CNTN4: variants seen among roughly 807,000 people sequenced by gnomAD.
CNTN4 encodes the protein contactin-4.
CNTN4 carries 77 observed loss-of-function variants against 122.5 expected under a neutral mutation model. That is an observed-to-expected ratio of 0.63 (90% CI 0.52 to 0.76). The LOEUF is 0.76. Ranked by LOEUF, CNTN4 falls within the 30% of genes least tolerant of loss-of-function variation. The pLI is 0.00. For synonymous variants in CNTN4, 512 were observed against 447.0 expected (o/e 1.15, Z -1.83); for missense variants, 1,256 against 1,259.1 (o/e 1.00, Z 0.04).
At chr3:2,418,366 C>A (rs6769342) in intron 3 of CNTN4, among the ~76,000 whole-genome samples, 2 of 151,960 alleles carry the variant, frequency 1.3e-5, no homozygotes, top group African/African-American at 2.4e-5. Context: ...ACAACCTCTT[C>A]AAAATAATAC....
intron 2 of CNTN4, among the ~76,000 whole-genome samples, chr3:2,268,885 G>A (rs1009797420): frequency 6.6e-6 from 1 of 152,072 alleles, no homozygotes; most frequent in Admixed American, 6.6e-5. Context: ...AAGTAGCCTG[G>A]GGGTAGTTTC....
intron 13 of CNTN4, among the ~76,000 whole-genome samples, chr3:2,983,789 A>G (rs1694285668): frequency 1.3e-5 from 2 of 152,200 alleles, no homozygotes; most frequent in Admixed American, 6.5e-5. Flanking sequence ...ATTGCTGTAT[A>G]AAAAAGTGGT....
At chr3:2,535,253 C>T (rs1189267443) in intron 3 of CNTN4, among the ~76,000 whole-genome samples, 1 of 152,028 alleles carries the variant, frequency 6.6e-6, no homozygotes, top group Non-Finnish European at 1.5e-5. Flanking sequence ...GATACTTGAT[C>T]CTCCCCCTTT....
chr3:2,149,762 A>G (rs938324685), intron 2 of CNTN4, among the ~76,000 whole-genome samples: 3 of 152,144 alleles, frequency 2.0e-5, no homozygotes, highest in Non-Finnish European at 2.9e-5. Context: ...GTTTAGTATA[A>G]AGGAAATAAC....
chr3:2,412,506 G>A (rs2047262062), intron 3 of CNTN4, among the ~76,000 whole-genome samples: 1 of 152,114 alleles, frequency 6.6e-6, no homozygotes. Context: ...GCCCTCCTCA[G>A]CCTCCCAAAG....
chr3:2,997,501 C>T (rs1163798628), intron 14 of CNTN4, among the ~76,000 whole-genome samples: 1 of 152,160 alleles, frequency 6.6e-6, no homozygotes, highest in African/African-American at 2.4e-5. Context: ...CATTTGTTTT[C>T]TGTGCCAGAG....
At chr3:2,842,619 C>T (rs182090633) in intron 7 of CNTN4, among the ~76,000 whole-genome samples, 6 of 152,308 alleles carry the variant, frequency 3.9e-5, no homozygotes. Flanking sequence ...CTCTTACCCT[C>T]AGTCCATTGG....
At chr3:2,279,742 A>G (rs894418446) in intron 2 of CNTN4, among the ~76,000 whole-genome samples, 3 of 151,808 alleles carry the variant, frequency 2.0e-5, no homozygotes, top group Non-Finnish European at 2.9e-5. Context: ...GAATTTTGGT[A>G]TATATATATG....
At chr3:2,819,461 C>G (rs1456734273) in intron 6 of CNTN4, 25 bp from the exon 7 acceptor site, 1 of 1,561,798 alleles carries the variant, frequency 6.4e-7, no homozygotes, top group Non-Finnish European at 8.8e-7. Flanking sequence ...AGTTTAAATG[C>G]TTTTTCCCAT....
chr3:2,611,297 C>CAAAAA (rs201162114), intron 4 of CNTN4, among the ~76,000 whole-genome samples: 38 of 62,340 alleles, frequency 6.1e-4, no homozygotes, highest in South Asian at 1.1e-3. Context: ...CACCTGGAAC[C>CAAAAA]AAAAAAAAAA....
intron 3 of CNTN4, among the ~76,000 whole-genome samples, chr3:2,347,980 ATGTT>A (rs972676160): frequency 2.0e-4 from 30 of 151,716 alleles, no homozygotes; most frequent in African/African-American, 6.0e-4. Flanking sequence ...TTTATACTGT[ATGTT>A]TCTTTTACTG....
chr3:2,405,772 C>T (rs1184067203), intron 3 of CNTN4, among the ~76,000 whole-genome samples: 2 of 152,046 alleles, frequency 1.3e-5, no homozygotes, highest in African/African-American at 4.8e-5. Flanking sequence ...CCTCTAATCC[C>T]AGTACTTTGA....
intron 2 of CNTN4, among the ~76,000 whole-genome samples, chr3:2,275,547 A>G (rs1212317309): frequency 2.6e-5 from 4 of 151,860 alleles, no homozygotes; most frequent in African/African-American, 9.7e-5. Flanking sequence ...GAAATTCACA[A>G]TTATATATTA....
chr3:2,990,089 T>G (rs1694925655), intron 14 of CNTN4, among the ~76,000 whole-genome samples: 2 of 152,050 alleles, frequency 1.3e-5, no homozygotes, highest in African/African-American at 2.4e-5. Flanking sequence ...ATGGAGTCGC[T>G]TTGATAACTG....
At chr3:3,044,232 G>A (rs1453014026) in intron 23 of CNTN4, among the ~76,000 whole-genome samples, 2 of 152,170 alleles carry the variant, frequency 1.3e-5, no homozygotes, top group Non-Finnish European at 2.9e-5. Context: ...CATGTCTGTA[G>A]CCTTCTTGCA....
chr3:2,755,559 G>T (rs1456491153), intron 6 of CNTN4, among the ~76,000 whole-genome samples: 2 of 152,116 alleles, frequency 1.3e-5, no homozygotes, highest in Admixed American at 6.5e-5. Flanking sequence ...TGGTGATAAT[G>T]GGTGTCTATT....
At chr3:2,353,184 G>T (rs9861475) in intron 3 of CNTN4, among the ~76,000 whole-genome samples, 1 of 151,792 alleles carries the variant, frequency 6.6e-6, no homozygotes, top group African/African-American at 2.4e-5. Context: ...TGTGTATCTA[G>T]GATATCTGGT....
chr3:2,472,777 A>G (rs1020062240), intron 3 of CNTN4, among the ~76,000 whole-genome samples: 3 of 152,238 alleles, frequency 2.0e-5, no homozygotes, highest in African/African-American at 7.2e-5. Context: ...TCTAATTCCA[A>G]CATAAGGAAG....
At chr3:2,491,503 C>T (rs187353645) in intron 3 of CNTN4, among the ~76,000 whole-genome samples, 47 of 152,216 alleles carry the variant, frequency 3.1e-4, no homozygotes, top group African/African-American at 9.2e-4. Flanking sequence ...TTTTTCTGAA[C>T]GTGTAAGCAC....
Sources: allele counts gnomAD v4.1 joint callset (sites outside exome capture counted in the v4.1 genomes callset), GRCh38; gene constraint gnomAD v4.1.1; transcripts MANE v1.5; gene names NCBI Gene and HGNC (gene_info 2026-07-23, HGNC 2026-07-21).